KCMF1: variants seen among roughly 807,000 people sequenced by gnomAD.
KCMF1 encodes the protein E3 ubiquitin-protein ligase KCMF1.
KCMF1 carries 3 observed loss-of-function variants against 41.1 expected under a neutral mutation model. The ratio of observed to expected loss-of-function variants is 0.07; its 90% confidence interval spans 0.03 to 0.19. The LOEUF (loss-of-function observed/expected upper bound fraction) is 0.19, where lower values mean the gene tolerates loss of function less well. KCMF1 is among the 10% of genes least tolerant of loss of function. KCMF1 has a pLI of 1.00. For synonymous variants in KCMF1, 142 were observed against 164.5 expected, an observed-to-expected ratio of 0.86 and a Z score of 1.04; for missense variants, 286 against 488.9, an observed-to-expected ratio of 0.58 and a Z score of 3.91.
chr2:84,995,873 A>T (rs143500889), intron 1 of KCMF1, among the ~76,000 whole-genome samples: 2 of 152,362 alleles, frequency 1.3e-5, no homozygotes, highest in Admixed American at 1.3e-4. Flanking sequence ...ACAATATGTG[A>T]TAATATGCCT....
intron 1 of KCMF1, among the ~76,000 whole-genome samples, chr2:84,985,705 T>C (rs1190069639): frequency 1.3e-5 from 2 of 152,142 alleles, no homozygotes; most frequent in Admixed American, 6.5e-5. Flanking sequence ...AGTAAGTGCC[T>C]GTAATCCCAG....
At chr2:85,048,005 G>C (rs751142799) in intron 5 of KCMF1, among the ~76,000 whole-genome samples, 3 of 152,156 alleles carry the variant, frequency 2.0e-5, no homozygotes, top group Non-Finnish European at 4.4e-5. Context: ...TGGGTACTGG[G>C]CTTAATTGGG....
In KCMF1 at chr2:85,055,253, G is replaced by C. The variant is rs1675900777; in HGVS notation, c.*1844G>C. 1 of 152,112 alleles carries C rather than the reference G, an allele frequency of 6.6e-6. No individual in the cohort carries two copies. Among genetic ancestry groups the C allele is most frequent in the Non-Finnish European group, 1.5e-5 (1 of 68,022 alleles). 9.4% of individuals were successfully genotyped at this position (152,112 alleles called of 1,614,324 possible). A position where few individuals can be genotyped will look rare whatever the true frequency, so the allele number is the denominator to read the frequency against. On this transcript the variant is annotated 3_prime_UTR_variant, in exon 7 of 7. Coordinates refer to ENST00000409785, the MANE Select transcript of KCMF1 (RefSeq NM_020122.5). ...GCATTTTCAAGACTGTTGACCACTT[G>C]AATTTCTTTGGTGTTAGTGGATTAA...
In KCMF1 at chr2:84,974,542, A is replaced by G. The variant is rs868604654; in HGVS notation, c.16+3075A>G. ...TTCTGTAAAGGGCTAGGTGGCAAAC[A>G]TTGCAGGCTTGGCGGAGCTGTAATA... On this transcript the variant is annotated intron_variant, in intron 1 of 6. Transcript: ENST00000409785. 6.0e-5 allele frequency among the ~76,000 whole-genome samples: 9 copies of G among 151,044 alleles called. No homozygotes were observed. In the Admixed American group the frequency reaches 6.0e-4, roughly 10 times the overall value.
intron 1 of KCMF1, among the ~76,000 whole-genome samples, chr2:85,000,168 C>G (rs985538750): frequency 4.6e-5 from 7 of 152,088 alleles, no homozygotes; most frequent in Admixed American, 6.6e-5. Context: ...TGGAGTCACC[C>G]AGGCTGGAGT....
At chr2:85,042,240 T>C (rs1271155371) in intron 3 of KCMF1, among the ~76,000 whole-genome samples, 1 of 152,224 alleles carries the variant, frequency 6.6e-6, no homozygotes, top group Non-Finnish European at 1.5e-5. Context: ...GGACAGCTGA[T>C]TAGGCATAAG....
chr2:85,011,551 C>T (rs1674653137), intron 1 of KCMF1, among the ~76,000 whole-genome samples: 1 of 152,204 alleles, frequency 6.6e-6, no homozygotes, highest in Non-Finnish European at 1.5e-5. Flanking sequence ...CAAAGGCCCA[C>T]CTGCACATCT....
chr2:85,018,395 G>A (rs768397628), intron 1 of KCMF1, among the ~76,000 whole-genome samples: 4 of 150,298 alleles, frequency 2.7e-5, no homozygotes, highest in Admixed American at 6.7e-5. Flanking sequence ...TCAGCCTCCC[G>A]AGTACATGGG....
intron 1 of KCMF1, among the ~76,000 whole-genome samples, chr2:85,002,953 C>T (rs1168823960): frequency 1.3e-5 from 2 of 152,166 alleles, no homozygotes; most frequent in African/African-American, 4.8e-5. Context: ...TAGTTCTTCA[C>T]ATATGGTCTG....
intron 1 of KCMF1, chr2:85,013,917 T>A (rs920592462): frequency 6.6e-6 from 1 of 152,188 alleles, no homozygotes; most frequent in Non-Finnish European, 1.5e-5. Flanking sequence ...TCTCTTAACA[T>A]GTAGTGTGTC....
intron 1 of KCMF1, among the ~76,000 whole-genome samples, chr2:84,988,027 C>T (rs1404587925): frequency 2.6e-5 from 4 of 151,890 alleles, no homozygotes; most frequent in Non-Finnish European, 5.9e-5. Context: ...TCAAGACCAG[C>T]CTGACCAACA....
intron 6 of KCMF1, among the ~76,000 whole-genome samples, chr2:85,051,918 GAT>G (rs1211811680): frequency 6.6e-6 from 1 of 152,198 alleles, no homozygotes; most frequent in Non-Finnish European, 1.5e-5. Context: ...GCTCTTATGT[GAT>G]ATATATAGGG....
rs528699462 is a variant in KCMF1 at position 85,058,654 on chromosome 2, A to C, written c.*5245A>C. On this transcript the variant is annotated 3_prime_UTR_variant, in exon 7 of 7. Coordinates refer to ENST00000409785, the MANE Select transcript of KCMF1 (RefSeq NM_020122.5). ...AAGCTTTGTCTAAACATTATTTACCAACTGCGATTTTTACAGACTTCCCCT... is the reference window on the plus strand; with the variant it reads ...AAGCTTTGTCTAAACATTATTTACCCACTGCGATTTTTACAGACTTCCCCT... 6.6e-6 allele frequency: 1 copy of C among 152,164 alleles called. No homozygotes were observed. Among genetic ancestry groups the C allele is most frequent in the Non-Finnish European group, 1.5e-5 (1 of 68,022 alleles). The allele number at this position is 152,164 out of a possible 1,614,324, so 9.4% of individuals were successfully genotyped here. A position where few individuals can be genotyped will look rare whatever the true frequency, so the allele number is the denominator to read the frequency against.
rs1264732393 is a variant in KCMF1 at position 85,055,585 on chromosome 2, TA to T, written c.*2177del. ...CTCATGTAGAATACTGTATATTAAT[TA>T]TTTTTTACCAGATATTTTACAAATA... is the stretch of plus-strand genomic sequence containing the variant. On this transcript the variant is annotated 3_prime_UTR_variant, in exon 7 of 7. Coordinates refer to ENST00000409785, the MANE Select transcript of KCMF1 (RefSeq NM_020122.5). The T allele has an allele frequency of 6.6e-6, 1 of 152,184 alleles. No homozygotes were observed. Among genetic ancestry groups the T allele is most frequent in the Non-Finnish European group, 1.5e-5 (1 of 68,024 alleles). The allele number at this position is 152,184 out of a possible 1,614,324, so 9.4% of individuals were successfully genotyped here. A position where few individuals can be genotyped will look rare whatever the true frequency, so the allele number is the denominator to read the frequency against.
At chr2:84,971,509 G>T in intron 1 of KCMF1, 42 bp downstream of exon 1, 1 of 1,145,340 alleles carries the variant, frequency 8.7e-7, no homozygotes, top group South Asian at 2.8e-5. Flanking sequence ...CCCGGGCCTC[G>T]GCCTACCCCG....
intron 3 of KCMF1, among the ~76,000 whole-genome samples, chr2:85,036,105 A>C (rs926787395): frequency 3.3e-5 from 5 of 152,188 alleles, no homozygotes; most frequent in African/African-American, 1.2e-4. Context: ...CATATAATAT[A>C]GGGTTACTTT....
intron 1 of KCMF1, chr2:84,972,381 T>TA (rs1673423167): frequency 6.6e-6 from 1 of 152,252 alleles, no homozygotes; most frequent in Admixed American, 6.5e-5. Flanking sequence ...GGTCGATGTA[T>TA]AGGCTTTGAG....
intron 1 of KCMF1, among the ~76,000 whole-genome samples, chr2:84,990,398 A>G (rs2103976236): frequency 6.6e-6 from 1 of 152,312 alleles, no homozygotes; most frequent in East Asian, 1.9e-4. Context: ...AATGAAAGAT[A>G]AGAGGAACTT....
intron 1 of KCMF1, among the ~76,000 whole-genome samples, chr2:84,992,508 G>C (rs1674066438): frequency 6.6e-6 from 1 of 152,132 alleles, no homozygotes; most frequent in South Asian, 2.1e-4. Context: ...CACCGCGCCT[G>C]GCCCGTTTTG....
Sources: gnomAD v4.1 joint callset for allele counts (sites outside exome capture counted in the v4.1 genomes callset) on GRCh38, gnomAD v4.1.1 for gene constraint, MANE v1.5 for transcripts, NCBI Gene and HGNC (gene_info 2026-07-23, HGNC 2026-07-21) for gene names.